C10orf105: variants seen among roughly 807,000 people sequenced by gnomAD.
C10orf105 encodes uncharacterized protein C10orf105.
A neutral mutation model predicts 0.6 loss-of-function variants in C10orf105; 2 were observed. The ratio of observed to expected loss-of-function variants is 3.18; its 90% CI spans 1.30 to 10.01. The LOEUF is 10.01. C10orf105 is among the 30% of genes most tolerant of loss of function. C10orf105 has a pLI of 0.04. For synonymous variants in C10orf105, 95 were observed against 82.4 expected, an observed-to-expected ratio of 1.15 and a Z score of -0.83; for missense variants, 209 against 191.4, an observed-to-expected ratio of 1.09 and a Z score of -0.54.
Position 71,714,204 on chromosome 10 carries a change from T to C in C10orf105, c.*1732A>G, listed in dbSNP as rs1866111691. On this transcript the variant is annotated 3_prime_UTR_variant, in exon 2 of 2. Transcript: ENST00000441508. ...GACAGTGGGCTTCTCCAATAGAGCCTGCTTGGAGAGAAATCTTTCTAGAGT... is the reference window on the plus strand; with the variant it reads ...GACAGTGGGCTTCTCCAATAGAGCCCGCTTGGAGAGAAATCTTTCTAGAGT... 6.6e-6 allele frequency: 1 copy of C among 152,096 alleles called. No homozygotes were observed. Among genetic ancestry groups the C allele is most frequent in the African/African-American group, 2.4e-5 (1 of 41,412 alleles). The allele number at this position is 152,096 out of a possible 1,614,324, so 9.4% of individuals were successfully genotyped here.
upstream of C10orf105, among the ~76,000 whole-genome samples, chr10:71,721,617 G>A (rs1186700365): frequency 6.6e-6 from 1 of 152,158 alleles, no homozygotes; most frequent in East Asian, 1.9e-4. Context: ...TTGCTCCAGT[G>A]TACTCGTCCT....
upstream of C10orf105, among the ~76,000 whole-genome samples, chr10:71,721,498 A>G (rs874622): frequency 0.32 from 48,645 of 152,074 alleles, 9,094 homozygotes; most frequent in African/African-American, 0.49. Context: ...TAGAGATGAG[A>G]AAACTGAGGC....
chr10:71,716,543 G>T, intron 1 of C10orf105: 2 of 474,256 alleles, frequency 4.2e-6, no homozygotes, highest in Non-Finnish European at 7.4e-6. Context: ...CAGTGATGGA[G>T]CTGGGCCCAA....
intron 1 of C10orf105, among the ~76,000 whole-genome samples, chr10:71,735,889 G>A (rs763157462): frequency 8.6e-4 from 131 of 152,216 alleles, no homozygotes; most frequent in Non-Finnish European, 1.5e-3. Context: ...AGAGCGCTCG[G>A]GCAGTGGGTG....
Position 71,712,593 on chromosome 10 carries a change from T to A in C10orf105, c.*3343A>T. ...CACCTCTCTGGCCGGTGCCCGGGAG[T>A]GTGCAAAGTCACAGGAAGTGTGCCC... is the stretch of plus-strand genomic sequence containing the variant. On this transcript the variant is annotated 3_prime_UTR_variant, in exon 2 of 2. Transcript: ENST00000441508. 2 of 1,562,974 alleles carry A rather than the reference T, an allele frequency of 1.3e-6. No individual in the cohort carries two copies. Among genetic ancestry groups the A allele is most frequent in the African/African-American group, 1.4e-5 (1 of 74,016 alleles).
rs41281310 is a variant in C10orf105, at chr10:71,712,737, A to G, written c.*3199T>C. The G allele has an allele frequency of 4.1e-3, 6,682 of 1,613,678 alleles. 27 individuals are homozygous for G. The highest frequency in any genetic ancestry group is 5.2e-3 in the Non-Finnish European group (6,168 of 1,179,850). ...GTCACTGTCCTGGATGTGAATGACAACCGGCCCATCTTTCTGCAGAGCAGC... is the reference window on the plus strand; with the variant it reads ...GTCACTGTCCTGGATGTGAATGACAGCCGGCCCATCTTTCTGCAGAGCAGC... On this transcript the variant is annotated 3_prime_UTR_variant, in exon 2 of 2. Coordinates refer to ENST00000441508, the MANE Select transcript of C10orf105 (RefSeq NM_001164375.3).
chr10:71,715,994 AG>A lies in C10orf105; in HGVS notation c.343del (p.Leu115CysfsTer77). The A allele has an allele frequency of 6.7e-7, 1 of 1,497,512 alleles. No homozygotes were observed. Among genetic ancestry groups the A allele is most frequent in the Admixed American group, 2.4e-5 (1 of 41,336 alleles). 92.8% of individuals were successfully genotyped at this position (1,497,512 alleles called of 1,614,324 possible). On this transcript the variant is annotated frameshift_variant, in exon 2 of 2. Coordinates refer to ENST00000441508, the MANE Select transcript of C10orf105 (RefSeq NM_001164375.3). LOFTEE classifies it low-confidence loss of function (END_TRUNC). ...GCTGCGGTTGTCCTCGGGGCCCGGC[AG>A]GGGCTGTCGAGGGACGGTGGGCCGG... is the stretch of plus-strand genomic sequence containing the variant. ...HGRPTVPRQP[L>X]PGPEDNRSHC... is the part of the protein sequence containing the mutation.
At chr10:71,719,313 G>C (rs1032842955) in intron 1 of C10orf105, among the ~76,000 whole-genome samples, 10 of 152,192 alleles carry the variant, frequency 6.6e-5, no homozygotes, top group African/African-American at 2.4e-4. Context: ...CTGGAGGGCA[G>C]TTGAAGCCAC....
chr10:71,734,745 C>T, intron 1 of C10orf105: 1 of 864,302 alleles, frequency 1.2e-6, no homozygotes, highest in South Asian at 1.3e-5. Flanking sequence ...ACCTTCCCAC[C>T]TCTCCCAGAG....
chr10:71,730,109 T>G (rs1463280373), intron 1 of C10orf105, among the ~76,000 whole-genome samples: 1 of 152,032 alleles, frequency 6.6e-6, no homozygotes, highest in Non-Finnish European at 1.5e-5. Flanking sequence ...GCTGCTGGGA[T>G]TACAGGCGTG....
chr10:71,733,652 T>G (rs187972989), intron 1 of C10orf105, among the ~76,000 whole-genome samples: 1 of 152,370 alleles, frequency 6.6e-6, no homozygotes, highest in East Asian at 1.9e-4. Context: ...TATTTCCCTT[T>G]TCACCTTGGC....
At chr10:71,716,553 A>G in intron 1 of C10orf105, 1 of 460,890 alleles carries the variant, frequency 2.2e-6, no homozygotes, top group East Asian at 3.5e-5. Flanking sequence ...GCTGGGCCCA[A>G]GCTCAGGCCC....
rs1410227654 is a variant in C10orf105, at chr10:71,713,911, G to C, written c.*2025C>G. On this transcript the variant is annotated 3_prime_UTR_variant, in exon 2 of 2. Coordinates refer to ENST00000441508, the MANE Select transcript of C10orf105 (RefSeq NM_001164375.3). ...GGCCCCAGGGGAAGCAAACCAGGAA[G>C]AGGTTACTGAGCAGGAAGGGAGGAA... The C allele has an allele frequency of 2.0e-5, 3 of 153,382 alleles. No homozygotes were observed. Among genetic ancestry groups the C allele is most frequent in the Non-Finnish European group, 4.3e-5 (3 of 68,972 alleles). 9.5% of individuals were successfully genotyped at this position (153,382 alleles called of 1,614,324 possible). A position where few individuals can be genotyped will look rare whatever the true frequency, so the allele number is the denominator to read the frequency against.
At chr10:71,729,829 T>A (rs1490801253) in intron 1 of C10orf105, among the ~76,000 whole-genome samples, 2 of 152,070 alleles carry the variant, frequency 1.3e-5, no homozygotes, top group African/African-American at 4.8e-5. Flanking sequence ...TGAACTATTT[T>A]ATTATTATTA....
At position 71,733,864 on chromosome 10, in the gene C10orf105, T is replaced by C. The variant is rs144783204; in HGVS notation, c.-6+3864A>G. On this transcript the variant is annotated intron_variant, in intron 1 of 1. Coordinates refer to the C10orf105 transcript ENST00000398786. ...TGACAGGCCTTGTCCTAGAGGATAC[T>C]GGGAACACAAATGGACACAAAGATG... 7.6e-3 allele frequency among the ~76,000 whole-genome samples: 1,152 copies of C among 152,354 alleles called. 24 individuals carry two copies. Among genetic ancestry groups the C allele is most frequent in the African/African-American group, 0.026 (1,086 of 41,586 alleles).
At chr10:71,737,605 G>A in intron 1 of C10orf105, 1 of 449,656 alleles carries the variant, frequency 2.2e-6, no homozygotes, top group Non-Finnish European at 4.5e-6. Context: ...AACCCCACAT[G>A]CAGGGAAGCA....
chr10:71,730,490 A>C (rs1174003579), intron 1 of C10orf105: 1 of 1,613,740 alleles, frequency 6.2e-7, no homozygotes, highest in Non-Finnish European at 8.5e-7. Context: ...CGTGGAGGAC[A>C]TCAACGATGA....
At chr10:71,737,272 C>T (rs1050405350) in intron 1 of C10orf105, among the ~76,000 whole-genome samples, 1 of 152,202 alleles carries the variant, frequency 6.6e-6, no homozygotes, top group Admixed American at 6.5e-5. Context: ...GTAGGTGCCA[C>T]CCCTTCACTT....
chr10:71,712,707 T>C lies in C10orf105; in HGVS notation c.*3229A>G, dbSNP rs1866025946. ...AAGCGACACACGGGCACAGCCACCG[T>C]GTTCGTCACTGTCCTGGATGTGAAT... On this transcript the variant is annotated 3_prime_UTR_variant, in exon 2 of 2. Coordinates refer to ENST00000441508, the MANE Select transcript of C10orf105 (RefSeq NM_001164375.3). 6.2e-7 allele frequency: 1 copy of C among 1,613,614 alleles called. No homozygotes were observed. Among genetic ancestry groups the C allele is most frequent in the African/African-American group, 1.3e-5 (1 of 74,944 alleles).
Sources: gnomAD v4.1 joint callset for allele counts (sites outside exome capture counted in the v4.1 genomes callset) on GRCh38, gnomAD v4.1.1 for gene constraint, MANE v1.5 for transcripts, NCBI Gene and HGNC (gene_info 2026-07-23, HGNC 2026-07-21) for gene names.